Variants in WDR19 observed in about 807,000 individuals in gnomAD.
WDR19 encodes the protein WD repeat-containing protein 19.
A neutral mutation model predicts 180.0 loss-of-function variants in WDR19; 121 were observed. The ratio of observed to expected loss-of-function variants is 0.67; its 90% CI spans 0.58 to 0.78. The LOEUF (loss-of-function observed/expected upper bound fraction) is 0.78. Among genes scored for constraint, WDR19 ranks in the 30% least tolerant of loss-of-function variants. The pLI is 0.00. For synonymous variants in WDR19, 497 were observed against 540.7 expected (o/e 0.92, Z 1.12); for missense variants, 1,450 against 1,640.7 (o/e 0.88, Z 2.01).
intron 9 of WDR19, chr4:39,205,999 A>C: frequency 3.2e-6 from 1 of 313,310 alleles, no homozygotes; most frequent in Non-Finnish European, 5.9e-6. Context: ...GTACAGCTAT[A>C]AAACGTGAAC....
At position 39,270,403 on chromosome 4, in the gene WDR19, G is replaced by T. The variant is rs191077472; in HGVS notation, c.3483+303G>T. Among the ~76,000 whole-genome samples, 201 of 152,236 alleles carry T rather than the reference G, an allele frequency of 1.3e-3. 2 individuals are homozygous for T. The highest frequency in any genetic ancestry group is 4.3e-3 in the African/African-American group (177 of 41,534). On this transcript the variant is annotated intron_variant, in intron 31 of 36. Coordinates refer to ENST00000399820, the MANE Select transcript of WDR19 (RefSeq NM_025132.4). ...TGTTTTGTTTTGTTTTTGAGACGACGTCTTGCTCTTTACCCAGGCTGGAGT... is the reference window on the plus strand; with the variant it reads ...TGTTTTGTTTTGTTTTTGAGACGACTTCTTGCTCTTTACCCAGGCTGGAGT...
At position 39,224,890 on chromosome 4, in the gene WDR19, G is replaced by A. The variant is rs1482640692; in HGVS notation, c.1486G>A (p.Val496Ile). The A allele has an allele frequency of 4.0e-6, 6 of 1,482,980 alleles. No individual in the cohort carries two copies. The African/African-American group carries it at 7.3e-5, about 18-fold the overall frequency. 91.9% of individuals were successfully genotyped at this position (1,482,980 alleles called of 1,614,324 possible). Residue 496 changes from valine to isoleucine, a missense_variant, in exon 15 of 37, where the codon GTC becomes ATC. Coordinates refer to ENST00000399820, the MANE Select transcript of WDR19 (RefSeq NM_025132.4). ...DFLIYGTDTG[V>I]VQYFYIEDWQ... ...GATTTTTTTTTTTTTTTAGACTGGT[G>A]TCGTTCAGTATTTCTACATTGAAGA... is the stretch of plus-strand genomic sequence containing the variant.
intron 31 of WDR19, among the ~76,000 whole-genome samples, chr4:39,271,901 T>A (rs1735417385): frequency 6.6e-6 from 1 of 152,208 alleles, no homozygotes; most frequent in South Asian, 2.1e-4. Context: ...ATGCAGCTAG[T>A]ACAGCTGATA....
At position 39,269,954 on chromosome 4, in the gene WDR19, C is replaced by T. The variant is rs367723443; in HGVS notation, c.3359-22C>T. The T allele has an allele frequency of 1.7e-5, 28 of 1,611,314 alleles. No individual in the cohort carries two copies. In the Admixed American group the frequency reaches 2.8e-4, roughly 16 times the overall value. On this transcript the variant is annotated intron_variant, in intron 30 of 36. Coordinates refer to ENST00000399820, the MANE Select transcript of WDR19 (RefSeq NM_025132.4). The stretch of plus-strand genomic sequence containing the variant: ...CAGATGTCACCCTTTGCAGTAATGT[C>T]GTTTTACCACCTTTTTTCAAGGCAA...
intron 9 of WDR19, 86 bp from the exon 10 acceptor site, chr4:39,214,515 T>C: frequency 1.3e-6 from 1 of 764,670 alleles, no homozygotes; most frequent in Non-Finnish European, 2.1e-6. Context: ...CAGTAACCTA[T>C]TCCATGGTTT....
chr4:39,265,028 C>T (rs1253745181), intron 28 of WDR19, among the ~76,000 whole-genome samples: 5 of 151,322 alleles, frequency 3.3e-5, no homozygotes, highest in African/African-American at 7.3e-5. Flanking sequence ...AGCCGATTCT[C>T]ATGCCTCAGC....
Position 39,228,234 on chromosome 4 carries a change from C to T in WDR19, c.1654C>T (p.Pro552Ser). 2 of 1,613,058 alleles carry T rather than the reference C, an allele frequency of 1.2e-6. No homozygotes were observed. The highest frequency in any genetic ancestry group is 1.7e-6 in the Non-Finnish European group (2 of 1,179,594). ...CPVNDATYEI[P>S]DFSPTIKGVL... ...GGTCAATGACGCTACCTATGAGATT[C>T]CAGATTTTTCACCAACCATTAAAGG... Residue 552 changes from proline to serine, a missense_variant, in exon 16 of 37, where the codon CCA (proline) becomes TCA (serine). Transcript: ENST00000399820.
At chr4:39,183,765 A>G (rs1481746104) in intron 1 of WDR19, among the ~76,000 whole-genome samples, 1 of 152,232 alleles carries the variant, frequency 6.6e-6, no homozygotes, top group Non-Finnish European at 1.5e-5. Context: ...TTAAAGCCCT[A>G]CAGCTAATAA....
At chr4:39,206,765 G>T (rs907351947) in intron 9 of WDR19, among the ~76,000 whole-genome samples, 1 of 152,206 alleles carries the variant, frequency 6.6e-6, no homozygotes, top group African/African-American at 2.4e-5. Context: ...GCCACTGAGT[G>T]GGCCATAGAG....
At chr4:39,260,571 C>T (rs1277992050) in intron 28 of WDR19, among the ~76,000 whole-genome samples, 3 of 152,150 alleles carry the variant, frequency 2.0e-5, no homozygotes, top group African/African-American at 4.8e-5. Context: ...CAACTCCTTA[C>T]ATCAAATGAT....
intron 21 of WDR19, among the ~76,000 whole-genome samples, chr4:39,241,452 C>A (rs1365942304): frequency 6.9e-6 from 1 of 145,816 alleles, no homozygotes; most frequent in Non-Finnish European, 1.5e-5. Context: ...TGAGATTGCG[C>A]CATTGCACCC....
Position 39,278,582 on chromosome 4 carries a change from T to C in WDR19, c.3961T>C (p.Leu1321=), listed in dbSNP as rs960389720. 6.2e-6 allele frequency: 10 copies of C among 1,613,708 alleles called. No homozygotes were observed. The highest frequency in any genetic ancestry group is 8.5e-6 in the Non-Finnish European group (10 of 1,179,666). ...ESTCPMCSER[L]NAAQLKKISD... is the part of the protein sequence containing the mutation. ...CACATGTCCTATGTGTTCAGAAAGATTAAACGCTGCTCAGCTGAAAAAGAT... is the reference window on the plus strand; with the variant it reads ...CACATGTCCTATGTGTTCAGAAAGACTAAACGCTGCTCAGCTGAAAAAGAT... The change falls in exon 36 of 37, where the codon TTA becomes CTA. Residue 1321 remains leucine (L), a synonymous_variant. Coordinates refer to ENST00000399820, the MANE Select transcript of WDR19 (RefSeq NM_025132.4).
chr4:39,228,391 G>C, intron 16 of WDR19, 34 bp downstream of exon 16: 1 of 1,602,722 alleles, frequency 6.2e-7, no homozygotes, highest in Non-Finnish European at 8.5e-7. Flanking sequence ...TTCGCTGACA[G>C]ATGAATTTCC....
chr4:39,276,936 T>C, intron 33 of WDR19, 84 bp from the exon 34 acceptor site: 3 of 1,562,158 alleles, frequency 1.9e-6, no homozygotes, highest in Non-Finnish European at 2.6e-6. Context: ...CATATGTCCC[T>C]GGTTTTCCAA....
rs748620855 is a variant in WDR19, at chr4:39,224,866, ATT to A, written c.1480-4_1480-3del. On this transcript the variant is annotated splice_polypyrimidine_tract_variant and intron_variant, in intron 14 of 36. Coordinates refer to ENST00000399820, the MANE Select transcript of WDR19 (RefSeq NM_025132.4). ...CTACCTTTTATATTTTCATGGCTGG[ATT>A]TTTTTTTTTTTTTAGACTGGTGTCG... The A allele has an allele frequency of 5.5e-3, 6,955 of 1,260,694 alleles. No individual in the cohort carries two copies. The highest frequency in any genetic ancestry group is 0.015 in the South Asian group (831 of 54,732). 78.1% of individuals were successfully genotyped at this position (1,260,694 alleles called of 1,614,324 possible).
chr4:39,236,133 G>A (rs906900156), intron 20 of WDR19, among the ~76,000 whole-genome samples: 1 of 152,164 alleles, frequency 6.6e-6, no homozygotes, highest in Non-Finnish European at 1.5e-5. Flanking sequence ...CCACTACTGA[G>A]TGTATACCCA....
intron 33 of WDR19, 45 bp from the exon 34 acceptor site, chr4:39,276,975 C>A: frequency 6.2e-7 from 1 of 1,608,406 alleles, no homozygotes; most frequent in East Asian, 2.2e-5. Context: ...ATCCCCGGTA[C>A]ATGAATAAAA....
At chr4:39,235,276 A>G (rs1029267504) in intron 20 of WDR19, among the ~76,000 whole-genome samples, 3 of 151,942 alleles carry the variant, frequency 2.0e-5, no homozygotes, top group Non-Finnish European at 4.4e-5. Context: ...ATAGGCATGC[A>G]CCACAAGGCC....
intron 17 of WDR19, among the ~76,000 whole-genome samples, chr4:39,230,944 C>T (rs959623092): frequency 2.6e-5 from 4 of 152,140 alleles, no homozygotes; most frequent in African/African-American, 7.2e-5. Flanking sequence ...TCAAGCTTTA[C>T]GGGCCATAGG....
Sources: allele counts gnomAD v4.1 joint callset (sites outside exome capture counted in the v4.1 genomes callset), GRCh38; gene constraint gnomAD v4.1.1; transcripts MANE v1.5; gene names NCBI Gene and HGNC (gene_info 2026-07-23, HGNC 2026-07-21).